LUM: variants seen among roughly 807,000 people sequenced by gnomAD.
The protein encoded by LUM is lumican, also known as KSPG lumican.
Under a neutral mutation model 20.5 loss-of-function variants are expected in LUM, and 13 were observed. The observed-to-expected ratio is 0.63, with a 90% CI of 0.41 to 1.01. The LOEUF (loss-of-function observed/expected upper bound fraction) is 1.01. LUM is among the 50% of genes least tolerant of loss of function. LUM has a pLI of 0.00. For synonymous variants in LUM, 173 were observed against 151.5 expected, an observed-to-expected ratio of 1.14 and a Z score of -1.04; for missense variants, 321 against 391.1, an observed-to-expected ratio of 0.82 and a Z score of 1.51.
chr12:91,107,534 A>G (rs1880109745), intron 2 of LUM, among the ~76,000 whole-genome samples: 1 of 152,044 alleles, frequency 6.6e-6, no homozygotes, highest in African/African-American at 2.4e-5. Flanking sequence ...AAATAATAAG[A>G]GATATATATG....
At chr12:91,107,287 G>A (rs1300949719) in intron 2 of LUM, among the ~76,000 whole-genome samples, 982 of 60,570 alleles carry the variant, frequency 0.016, 4 homozygotes, top group African/African-American at 0.019. Flanking sequence ...AAGAAAGAAA[G>A]AGAAAGAAAG....
chr12:91,110,318 C>A (rs913807803), intron 1 of LUM, among the ~76,000 whole-genome samples: 1 of 152,060 alleles, frequency 6.6e-6, no homozygotes, highest in Non-Finnish European at 1.5e-5. Flanking sequence ...CTGAAAACGT[C>A]TTTTATTTGT....
intron 1 of LUM, among the ~76,000 whole-genome samples, chr12:91,110,838 C>T (rs1880188191): frequency 6.6e-6 from 1 of 152,034 alleles, no homozygotes; most frequent in African/African-American, 2.4e-5. Context: ...GAAATCATTT[C>T]CCAGAACTTT....
Position 91,111,479 on chromosome 12 carries a change from C to G in LUM, c.-103G>C, listed in dbSNP as rs61731070. On this transcript the variant is annotated 5_prime_UTR_variant, in exon 1 of 3. Transcript: ENST00000266718. ...AATCCACCAATATATGCTGTGAACT[C>G]TGTCAGGACGGAACTGGCTGCCAGA... 5.4e-5 allele frequency: 8 copies of G among 149,026 alleles called. No homozygotes were observed. The highest frequency in any genetic ancestry group is 1.7e-4 in the African/African-American group (7 of 40,058). 9.2% of individuals were successfully genotyped at this position (149,026 alleles called of 1,614,324 possible).
chr12:91,109,763 T>C (rs1001137864), intron 1 of LUM, among the ~76,000 whole-genome samples: 1 of 152,228 alleles, frequency 6.6e-6, no homozygotes, highest in Non-Finnish European at 1.5e-5. Context: ...GGAAAGAGAT[T>C]CAACAGGTAG....
chr12:91,107,504 A>T (rs1383922536), intron 2 of LUM, among the ~76,000 whole-genome samples: 1 of 152,074 alleles, frequency 6.6e-6, no homozygotes, highest in Non-Finnish European at 1.5e-5. Context: ...GTAGGACACA[A>T]ATCTAAGCCA....
chr12:91,109,026 A>T, intron 1 of LUM, 26 bp from the exon 2 acceptor site: 2 of 1,442,038 alleles, frequency 1.4e-6, no homozygotes, highest in Non-Finnish European at 1.9e-6. Flanking sequence ...ACATTTATTA[A>T]TTAAAAAAAT....
In LUM at chr12:91,108,974, A is replaced by T; in HGVS notation, c.6T>A (p.Ser2Arg). The part of the protein sequence containing the change: M[S>R]LSAFTLFLAL... ...CCAGGAAGAGAGTAAATGCACTTAG[A>T]CTCATTTTTGGCAAATGGTTTGAAT... The change falls in exon 2 of 3, where the codon AGT becomes AGA. Residue 2 changes from serine to arginine, a missense_variant. Ser to Arg is a moderately radical substitution (Grantham distance 110, BLOSUM62 -1). Transcript: ENST00000266718. This position sits in a 1 kb window ranked among gnomAD's most constrained non-coding sequence, Gnocchi z 4.2. 1 of 1,612,168 alleles carries T rather than the reference A, an allele frequency of 6.2e-7. No individual in the cohort carries two copies. Among genetic ancestry groups the T allele is most frequent in the Non-Finnish European group, 8.5e-7 (1 of 1,178,976 alleles).
At position 91,108,100 on chromosome 12, in the gene LUM, G is replaced by A. The variant is rs1348984740; in HGVS notation, c.862+18C>T. 6.2e-7 allele frequency: 1 copy of A among 1,613,344 alleles called. No individual in the cohort carries two copies. The highest frequency in any genetic ancestry group is 1.1e-5 in the South Asian group (1 of 90,848). ...ACACTTGAGCACACATCAAACACAG[G>A]AACAGCTTTTTACTTACTCTCAAGT... On this transcript the variant is annotated intron_variant, in intron 2 of 2. Coordinates refer to ENST00000266718, the MANE Select transcript of LUM (RefSeq NM_002345.4). The surrounding 1 kb of genome is among the most constrained non-coding windows in gnomAD (Gnocchi z 4.2).
chr12:91,109,055 GAC>G, intron 1 of LUM, 55 bp from the exon 2 acceptor site: 1 of 1,243,348 alleles, frequency 8.0e-7, no homozygotes, highest in East Asian at 2.6e-5. Context: ...TCAAGAAAAA[GAC>G]ATTCAATTTG....
chr12:91,107,042 G>T (rs1036624999), intron 2 of LUM, among the ~76,000 whole-genome samples: 1 of 150,486 alleles, frequency 6.6e-6, no homozygotes, highest in African/African-American at 2.4e-5. Context: ...TGGTGGTGGT[G>T]GCCTGAGGTG....
chr12:91,107,305 GAAA>G (rs1880093149), intron 2 of LUM, among the ~76,000 whole-genome samples: 3 of 112,868 alleles, frequency 2.7e-5, no homozygotes, highest in Admixed American at 2.0e-4. Context: ...AAGAAAGAAA[GAAA>G]GAAAGAAAGA....
rs1014303357 is a variant in LUM at position 91,108,449 on chromosome 12, T to C, written c.531A>G (p.Ser177=). 2.5e-6 allele frequency: 4 copies of C among 1,613,988 alleles called. No homozygotes were observed. The African/African-American group carries it at 5.3e-5, about 22-fold the overall frequency. The change falls in exon 2 of 3, where the codon TCA becomes TCG. Residue 177 remains serine (S), a synonymous_variant. Coordinates refer to ENST00000266718, the MANE Select transcript of LUM (RefSeq NM_002345.4). This position sits in a 1 kb window ranked among gnomAD's most constrained non-coding sequence, Gnocchi z 4.2. ...QHNRLKEDAV[S]AAFKGLKSLE... Reference sequence around the variant, plus strand: ...GTGATTTAAGACCTTTAAAAGCAGCTGAAACAGCATCCTCTTTCAGCCGAT... The same window carrying C: ...GTGATTTAAGACCTTTAAAAGCAGCCGAAACAGCATCCTCTTTCAGCCGAT...
intron 2 of LUM, among the ~76,000 whole-genome samples, chr12:91,105,322 A>G (rs1592661669): frequency 6.6e-6 from 1 of 152,320 alleles, no homozygotes; most frequent in East Asian, 1.9e-4. Flanking sequence ...ACCGTGTTGC[A>G]TGAAGATTAA....
At chr12:91,109,568 T>C (rs1880158869) in intron 1 of LUM, among the ~76,000 whole-genome samples, 1 of 152,186 alleles carries the variant, frequency 6.6e-6, no homozygotes, top group South Asian at 2.1e-4. Context: ...TTCTTGGTGC[T>C]GGTGTGCATG....
chr12:91,106,573 C>T (rs1405862247), intron 2 of LUM, among the ~76,000 whole-genome samples: 2 of 149,664 alleles, frequency 1.3e-5, no homozygotes, highest in East Asian at 4.0e-4. Context: ...TCAGATCAAA[C>T]TTCATCCAGA....
chr12:91,106,190 G>C (rs1199682664), intron 2 of LUM, among the ~76,000 whole-genome samples: 2 of 152,156 alleles, frequency 1.3e-5, no homozygotes, highest in Admixed American at 6.5e-5. Flanking sequence ...AACCCTACTA[G>C]AGGTTATATG....
At chr12:91,109,904 G>C (rs1022041709) in intron 1 of LUM, among the ~76,000 whole-genome samples, 3 of 152,176 alleles carry the variant, frequency 2.0e-5, no homozygotes, top group African/African-American at 7.2e-5. Flanking sequence ...TGGCCTCACA[G>C]AATGGAGGTG....
At position 91,104,148 on chromosome 12, in the gene LUM, G is replaced by T. The variant is rs1291018060; in HGVS notation, c.*17C>A. 1 of 1,598,304 alleles carries T rather than the reference G, an allele frequency of 6.3e-7. No homozygotes were observed. The highest frequency in any genetic ancestry group is 1.1e-5 in the South Asian group (1 of 90,284). The stretch of plus-strand genomic sequence containing the variant: ...CAGAAAAACATAACCATAAAATATT[G>T]TTCCAGGATACAGATATTAATTAAG... On this transcript the variant is annotated 3_prime_UTR_variant, in exon 3 of 3. Coordinates refer to ENST00000266718, the MANE Select transcript of LUM (RefSeq NM_002345.4).
Sources: gnomAD v4.1 joint callset for allele counts (sites outside exome capture counted in the v4.1 genomes callset) on GRCh38, gnomAD v4.1.1 for gene constraint, Gnocchi (gnomAD v3.1) non-coding constraint, MANE v1.5 for transcripts, NCBI Gene and HGNC (gene_info 2026-07-23, HGNC 2026-07-21) for gene names.